The following CD74 variants were observed in gnomAD, a reference collection of about 807,000 sequenced individuals.
CD74 encodes the protein HLA class II histocompatibility antigen gamma chain.
Under a neutral mutation model 37.1 loss-of-function variants are expected in CD74, and 20 were observed. The observed-to-expected ratio is 0.54, with a 90% CI of 0.38 to 0.78. The LOEUF (loss-of-function observed/expected upper bound fraction) is 0.78. Ranked by LOEUF, CD74 falls within the 30% of genes least tolerant of loss-of-function variation. CD74 has a pLI of 0.00. For missense variants in CD74, 338 were observed against 389.5 expected, an observed-to-expected ratio of 0.87 and a Z score of 1.11; for synonymous variants, 150 against 152.0, an observed-to-expected ratio of 0.99 and a Z score of 0.10.
chr5:150,407,169 C>A lies in CD74; in HGVS notation c.281G>T (p.Arg94Leu). 1 of 1,613,802 alleles carries A rather than the reference C, an allele frequency of 6.2e-7. No individual in the cohort carries two copies. The highest frequency in any genetic ancestry group is 8.5e-7 in the Non-Finnish European group (1 of 1,179,868). The change falls in exon 2 of 9, where the codon CGC (arginine) becomes CTC (leucine). Residue 94 changes from arginine (R) to leucine (L), a missense_variant. Transcript: ENST00000009530. This position sits in a 1 kb window ranked among gnomAD's most constrained non-coding sequence, Gnocchi z 4.4. Reference protein sequence around the residue: ...TSQNLQLENLRMKLPKPPKPV... With the variant: ...TSQNLQLENLLMKLPKPPKPV... ...GCACGCACGCTTGGGAAGCTTCATG[C>A]GCAGGTTCTCCAGCTGCAGGTTCTG...
intron 1 of CD74, among the ~76,000 whole-genome samples, chr5:150,412,171 G>A (rs1770379712): frequency 1.3e-5 from 2 of 152,146 alleles, no homozygotes; most frequent in African/African-American, 2.4e-5. Context: ...CAACATGTTG[G>A]CCAGGCTGGT....
chr5:150,405,087 T>G lies in CD74; in HGVS notation c.535A>C (p.Lys179Gln). Residue 179 changes from lysine (K) to glutamine (Q), a missense_variant and splice_region_variant, in exon 5 of 9, where the codon AAG (lysine) becomes CAG (glutamine). Physicochemically the swap from Lys to Gln is moderately conservative, Grantham distance 53. Transcript: ENST00000009530. The stretch of plus-strand genomic sequence containing the variant: ...CCCATGCAGGGAAACCTGCTGACCT[T>G]CCAGTCTATGGTCTCCATGGTGTTC... ...LKNTMETIDW[K>Q]VFESWMHHWL... 6.2e-7 allele frequency: 1 copy of G among 1,612,714 alleles called. No homozygotes were observed. The highest frequency in any genetic ancestry group is 8.5e-7 in the Non-Finnish European group (1 of 1,179,172).
chr5:150,410,884 T>C (rs192939499), intron 1 of CD74, among the ~76,000 whole-genome samples: 49 of 152,312 alleles, frequency 3.2e-4, no homozygotes, highest in Non-Finnish European at 1.5e-5. Context: ...ACATGCACTC[T>C]GAACACTGAG....
rs778764885 is a variant in CD74, at chr5:150,402,078, G to A, written c.*162C>T. On this transcript the variant is annotated 3_prime_UTR_variant, in exon 9 of 9. Transcript: ENST00000009530. The surrounding 1 kb of genome is among the most constrained non-coding windows in gnomAD (Gnocchi z 4.2). ...TTGCTGCATTGTTATCTGCTGTTCC[G>A]ACTTGGTTTGTCTTGTCCAAGGGTG... is the stretch of plus-strand genomic sequence containing the variant. 80 of 1,541,382 alleles carry A rather than the reference G, an allele frequency of 5.2e-5. No individual in the cohort carries two copies. The highest frequency in any genetic ancestry group is 4.7e-4 in the Admixed American group (24 of 50,958).
intron 1 of CD74, among the ~76,000 whole-genome samples, chr5:150,410,384 A>G (rs1015228699): frequency 3.9e-5 from 6 of 152,298 alleles, no homozygotes; most frequent in African/African-American, 1.4e-4. Context: ...TTCTGGGACC[A>G]TCTAAGTTGA....
At chr5:150,404,657 G>T in intron 6 of CD74, 23 bp downstream of exon 6, 2 of 1,507,176 alleles carry the variant, frequency 1.3e-6, no homozygotes, top group Non-Finnish European at 1.8e-6. Flanking sequence ...GCCCTGGCAC[G>T]CTAAAGCTCC....
Position 150,405,012 on chromosome 5 carries a change from C to T in CD74, c.537+73G>A. 3 of 1,320,948 alleles carry T rather than the reference C, an allele frequency of 2.3e-6. No homozygotes were observed. The South Asian group carries it at 3.6e-5, about 16-fold the overall frequency. 81.8% of individuals were successfully genotyped at this position (1,320,948 alleles called of 1,614,324 possible). ...GAGAATGGCTTCCCCAGCCCACCCT[C>T]ACCCCACCTCTCCTAGCCCTGCCCT... is the stretch of plus-strand genomic sequence containing the variant. On this transcript the variant is annotated intron_variant, in intron 5 of 8. Coordinates refer to ENST00000009530, the MANE Select transcript of CD74 (RefSeq NM_001025159.3).
intron 1 of CD74, among the ~76,000 whole-genome samples, chr5:150,411,558 G>A (rs1420213571): frequency 2.0e-5 from 3 of 152,204 alleles, no homozygotes; most frequent in Non-Finnish European, 4.4e-5. Context: ...GGGTAGCAGG[G>A]GCATTGGGGT....
intron 1 of CD74, among the ~76,000 whole-genome samples, chr5:150,408,812 C>T (rs1770153120): frequency 6.6e-6 from 1 of 152,180 alleles, no homozygotes; most frequent in East Asian, 1.9e-4. Context: ...GGTGATCGGG[C>T]CACAAGGCCT....
chr5:150,407,454 A>C lies in CD74; in HGVS notation c.126-130T>G. 1 of 675,784 alleles carries C rather than the reference A, an allele frequency of 1.5e-6. No individual in the cohort carries two copies. Among genetic ancestry groups the C allele is most frequent in the Middle Eastern group, 4.1e-4 (1 of 2,454 alleles). 41.9% of individuals were successfully genotyped at this position (675,784 alleles called of 1,614,324 possible). ...CTAAGCCACCCCTAATAAACAATGC[A>C]TTTGAAGCACAAACAGTAAGCTGGC... is the stretch of plus-strand genomic sequence containing the variant. On this transcript the variant is annotated intron_variant, in intron 1 of 8. Transcript: ENST00000009530. This position sits in a 1 kb window ranked among gnomAD's most constrained non-coding sequence, Gnocchi z 4.4.
chr5:150,410,711 G>A (rs1770294458), intron 1 of CD74, among the ~76,000 whole-genome samples: 1 of 149,578 alleles, frequency 6.7e-6, no homozygotes, highest in African/African-American at 2.5e-5. Flanking sequence ...AAAGTCAGGA[G>A]CCAACCAGAG....
chr5:150,402,606 G>C lies in CD74; in HGVS notation c.837C>G (p.Asp279Glu), dbSNP rs2151167377. 6.2e-7 allele frequency: 1 copy of C among 1,612,486 alleles called. No individual in the cohort carries two copies. The highest frequency in any genetic ancestry group is 8.5e-7 in the Non-Finnish European group (1 of 1,179,214). The change falls in exon 8 of 9, where the codon GAC becomes GAG. Residue 279 changes from aspartate to glutamate, a missense_variant. By Grantham distance (45) the Asp-to-Glu change is conservative. Coordinates refer to ENST00000009530, the MANE Select transcript of CD74 (RefSeq NM_001025159.3). The surrounding 1 kb of genome is among the most constrained non-coding windows in gnomAD (Gnocchi z 4.2). ...TGGTCACACCCAGCCCAGAAGACGGGTCCTCCAGTTCCAGTGACTCTGCAA... is the reference window on the plus strand; with the variant it reads ...TGGTCACACCCAGCCCAGAAGACGGCTCCTCCAGTTCCAGTGACTCTGCAA... ...HNCSESLELE[D>E]PSSGLGVTKQ...
intron 1 of CD74, 36 bp downstream of exon 1, chr5:150,412,589 A>G: frequency 6.7e-7 from 1 of 1,496,580 alleles, no homozygotes. Context: ...TCTGCAGTCC[A>G]GGATCGGTGT....
Position 150,412,764 on chromosome 5 carries a change from C to G in CD74, c.-15G>C. 1.9e-6 allele frequency: 3 copies of G among 1,613,700 alleles called. No homozygotes were observed. Among genetic ancestry groups the G allele is most frequent in the Non-Finnish European group, 2.5e-6 (3 of 1,179,852 alleles). On this transcript the variant is annotated 5_prime_UTR_variant, in exon 1 of 9. Transcript: ENST00000009530. The stretch of plus-strand genomic sequence containing the variant: ...CTCCTGTGCATCTGGGACCCTGACC[C>G]CCCGGCTCGCCTCTTAAAGTCGGTG...
Position 150,407,852 on chromosome 5 carries a change from T to C in CD74, c.126-528A>G, listed in dbSNP as rs753349130. Reference sequence around the variant, plus strand: ...CACTGCAACCTCCACCTCCTGGGTTTATGCCATTCTCCTTCCTCAGCCTCT... The same window carrying C: ...CACTGCAACCTCCACCTCCTGGGTTCATGCCATTCTCCTTCCTCAGCCTCT... On this transcript the variant is annotated intron_variant, in intron 1 of 8. Transcript: ENST00000009530. The surrounding 1 kb of genome is among the most constrained non-coding windows in gnomAD (Gnocchi z 4.4). Among the ~76,000 whole-genome samples the C allele has an allele frequency of 2.0e-5, 3 of 152,238 alleles. No individual in the cohort carries two copies. The highest frequency in any genetic ancestry group is 2.9e-5 in the Non-Finnish European group (2 of 68,002).
intron 1 of CD74, among the ~76,000 whole-genome samples, chr5:150,410,031 G>A (rs1015590940): frequency 7.1e-6 from 1 of 141,510 alleles, no homozygotes; most frequent in South Asian, 2.5e-4. Context: ...CCAAGGGAGA[G>A]TTATTCGGGA....
chr5:150,406,462 CATG>C, intron 3 of CD74, 141 bp from the exon 4 acceptor site: 1 of 707,878 alleles, frequency 1.4e-6, no homozygotes, highest in Non-Finnish European at 2.6e-6. Flanking sequence ...CACCTCCAAA[CATG>C]AGAGCTCGAG....
chr5:150,412,608 C>T lies in CD74; in HGVS notation c.125+17G>A, dbSNP rs763122934. 3.6e-5 allele frequency: 57 copies of T among 1,588,504 alleles called. No individual in the cohort carries two copies. The highest frequency in any genetic ancestry group is 1.7e-4 in the Middle Eastern group (1 of 6,014). On this transcript the variant is annotated intron_variant, in intron 1 of 8. Coordinates refer to ENST00000009530, the MANE Select transcript of CD74 (RefSeq NM_001025159.3). ...CAGTCCAGGATCGGTGTGCCCTTTC[C>T]TGGTGCTCACACATACCTCTCCGGG...
Position 150,404,539 on chromosome 5 carries a change from TGA to T in CD74, c.625+139_625+140del, listed in dbSNP as rs1238638354. On this transcript the variant is annotated intron_variant, in intron 6 of 8. Transcript: ENST00000009530. ...GGAACAGACAGGAGAGAGAGAGAAG[TGA>T]GAAAGAAGTGAGAGCTGAGAGGATG... 5 of 594,640 alleles carry T rather than the reference TGA, an allele frequency of 8.4e-6. No homozygotes were observed. The African/African-American group carries it at 9.4e-5, about 11-fold the overall frequency. The allele number at this position is 594,640 out of a possible 1,614,324, so 36.8% of individuals were successfully genotyped here.
Sources: gnomAD v4.1 joint callset for allele counts (sites outside exome capture counted in the v4.1 genomes callset) on GRCh38, gnomAD v4.1.1 for gene constraint, Gnocchi (gnomAD v3.1) non-coding constraint, MANE v1.5 for transcripts, NCBI Gene and HGNC (gene_info 2026-07-23, HGNC 2026-07-21) for gene names.